DLG2: variants seen among roughly 807,000 people sequenced by gnomAD.
The protein encoded by DLG2 is disks large homolog 2.
In DLG2, 45 loss-of-function variants were observed where a neutral mutation model predicts 132.5. The observed-to-expected ratio is 0.34, with a 90% CI of 0.27 to 0.44. DLG2 has a LOEUF of 0.44. DLG2 is among the 20% of genes least tolerant of loss of function. DLG2 has a pLI of 1.00. For synonymous variants in DLG2, 424 were observed against 419.6 expected (o/e 1.01, Z -0.13); for missense variants, 1,045 against 1,196.9 (o/e 0.87, Z 1.87).
chr11:84,819,106 C>CACACACACACA lies in DLG2; in HGVS notation c.358-284376_358-284375insTGTGTGTGTGT, dbSNP rs769677741. Among the ~76,000 whole-genome samples the CACACACACACA allele has an allele frequency of 4.1e-3, 614 of 150,530 alleles. 6 individuals are homozygous for CACACACACACA. Among genetic ancestry groups the CACACACACACA allele is most frequent in the South Asian group, 0.02 (95 of 4,730 alleles). On this transcript the variant is annotated intron_variant, in intron 6 of 27. Coordinates refer to ENST00000376104, the MANE Select transcript of DLG2 (RefSeq NM_001142699.3). ...ACACACACACACACACACACACACA[C>CACACACACACA]AATTTCGTTTGATGCTTACAACAAT...
At chr11:84,657,123 T>C (rs2099689224) in intron 6 of DLG2, among the ~76,000 whole-genome samples, 1 of 152,158 alleles carries the variant, frequency 6.6e-6, no homozygotes, top group Non-Finnish European at 1.5e-5. Context: ...TATTAAAACC[T>C]GATATGACTG....
chr11:83,483,205 G>T, intron 22 of DLG2: 1 of 1,534,754 alleles, frequency 6.5e-7, no homozygotes, highest in South Asian at 1.1e-5. Context: ...AACTCAAAAG[G>T]AAAGGAAAAG....
At chr11:85,615,618 A>C (rs1245849691) in intron 2 of DLG2, among the ~76,000 whole-genome samples, 3 of 152,238 alleles carry the variant, frequency 2.0e-5, no homozygotes, top group Non-Finnish European at 4.4e-5. Flanking sequence ...AAAATTTGGA[A>C]TTTAAATAGT....
intron 6 of DLG2, among the ~76,000 whole-genome samples, chr11:84,934,841 T>G (rs2048553792): frequency 1.3e-5 from 2 of 152,222 alleles, no homozygotes; most frequent in South Asian, 4.1e-4. Context: ...GTTTTCTTGT[T>G]AATTCCATTA....
chr11:84,981,973 C>T (rs1332374124), intron 6 of DLG2, among the ~76,000 whole-genome samples: 2 of 152,142 alleles, frequency 1.3e-5, no homozygotes, highest in Non-Finnish European at 2.9e-5. Flanking sequence ...TATAACAACT[C>T]CTTTTCTTTT....
chr11:84,548,012 G>A (rs1452138914), intron 6 of DLG2, among the ~76,000 whole-genome samples: 2 of 152,104 alleles, frequency 1.3e-5, no homozygotes, highest in East Asian at 3.9e-4. Flanking sequence ...ATCAAAAATT[G>A]GTTTATGTTG....
intron 6 of DLG2, among the ~76,000 whole-genome samples, chr11:84,875,686 T>TA (rs967825744): frequency 4.5e-4 from 69 of 152,290 alleles, no homozygotes; most frequent in African/African-American, 1.6e-3. Flanking sequence ...ATATAAGATC[T>TA]AAAAAGAGGA....
At chr11:84,646,822 T>C (rs1417467772) in intron 6 of DLG2, among the ~76,000 whole-genome samples, 4 of 152,174 alleles carry the variant, frequency 2.6e-5, no homozygotes, top group Non-Finnish European at 4.4e-5. Flanking sequence ...GCACATATGA[T>C]AAGCGCTGTG....
At chr11:85,250,228 T>C (rs1266691540) in intron 4 of DLG2, among the ~76,000 whole-genome samples, 1 of 152,166 alleles carries the variant, frequency 6.6e-6, no homozygotes, top group Non-Finnish European at 1.5e-5. Flanking sequence ...TTAAAGTCCC[T>C]ATCACTCTAC....
chr11:84,938,301 A>G (rs913367906), intron 6 of DLG2, among the ~76,000 whole-genome samples: 2 of 152,182 alleles, frequency 1.3e-5, no homozygotes, highest in Admixed American at 6.5e-5. Flanking sequence ...GCCATTATTC[A>G]TTACTCTTGA....
chr11:84,024,407 C>T (rs1328690465), intron 11 of DLG2, among the ~76,000 whole-genome samples: 1 of 152,122 alleles, frequency 6.6e-6, no homozygotes, highest in African/African-American at 2.4e-5. Context: ...AGCAGTCTCA[C>T]TTCTGTTTGT....
At chr11:83,657,601 C>G (rs11233707) in intron 18 of DLG2, among the ~76,000 whole-genome samples, 5,318 of 142,096 alleles carry the variant, frequency 0.037, 284 homozygotes, top group African/African-American at 0.13. Context: ...TGCAGTGGCG[C>G]GATCTCGGCT....
chr11:84,737,121 T>C (rs1565827047), intron 6 of DLG2, among the ~76,000 whole-genome samples: 1 of 151,980 alleles, frequency 6.6e-6, no homozygotes, highest in Non-Finnish European at 1.5e-5. Context: ...ACATGGTTTT[T>C]CTATGCCTGA....
At chr11:84,487,761 TG>T (rs1279540131) in intron 7 of DLG2, among the ~76,000 whole-genome samples, 1 of 151,932 alleles carries the variant, frequency 6.6e-6, no homozygotes, top group Non-Finnish European at 1.5e-5. Flanking sequence ...AGGACACAGC[TG>T]GGAAAAATGA....
chr11:83,699,422 C>T (rs115741460), intron 18 of DLG2, among the ~76,000 whole-genome samples: 1,974 of 151,956 alleles, frequency 0.013, 25 homozygotes, highest in African/African-American at 0.036. Context: ...AATGGCTGGG[C>T]ACAGTGGCTC....
intron 6 of DLG2, among the ~76,000 whole-genome samples, chr11:85,069,583 C>T (rs2065481715): frequency 6.6e-6 from 1 of 152,116 alleles, no homozygotes; most frequent in Non-Finnish European, 1.5e-5. Flanking sequence ...CAGAGAAATG[C>T]AAATCAAAAC....
chr11:85,141,847 CA>C (rs1228279865), intron 5 of DLG2, among the ~76,000 whole-genome samples: 6 of 151,796 alleles, frequency 4.0e-5, no homozygotes, highest in Non-Finnish European at 8.9e-5. Context: ...ACACCTTTGT[CA>C]AAATTGAGTT....
At chr11:85,141,988 C>A (rs1168644327) in intron 5 of DLG2, among the ~76,000 whole-genome samples, 1 of 151,666 alleles carries the variant, frequency 6.6e-6, no homozygotes, top group Non-Finnish European at 1.5e-5. Context: ...TCAGGTAATG[C>A]AATTCCTCCA....
intron 7 of DLG2, among the ~76,000 whole-genome samples, chr11:84,429,485 C>T (rs548493689): frequency 6.6e-6 from 1 of 152,206 alleles, no homozygotes; most frequent in African/African-American, 2.4e-5. Flanking sequence ...GTGTCCCATC[C>T]AAGTGAATCA....
Sources: allele counts gnomAD v4.1 joint callset (sites outside exome capture counted in the v4.1 genomes callset), GRCh38; gene constraint gnomAD v4.1.1; transcripts MANE v1.5; gene names NCBI Gene and HGNC (gene_info 2026-07-23, HGNC 2026-07-21).